Variants in EFCAB5 observed in about 807,000 individuals in gnomAD.
EFCAB5 encodes EF-hand calcium-binding domain-containing protein 5.
EFCAB5 carries 131 observed loss-of-function variants against 167.9 expected under a neutral mutation model. That is an observed-to-expected ratio of 0.78 (90% CI 0.68 to 0.90). The LOEUF is 0.90. Among genes scored for constraint, EFCAB5 ranks in the 40% least tolerant of loss-of-function variants. The pLI, the probability that EFCAB5 is intolerant of heterozygous loss-of-function variation, is 0.00. For synonymous variants in EFCAB5, 574 were observed against 602.8 expected, an observed-to-expected ratio of 0.95 and a Z score of 0.70; for missense variants, 1,663 against 1,745.2, an observed-to-expected ratio of 0.95 and a Z score of 0.84.
intron 4 of EFCAB5, among the ~76,000 whole-genome samples, chr17:29,983,585 T>C (rs1250722824): frequency 6.6e-6 from 1 of 152,138 alleles, no homozygotes; most frequent in Non-Finnish European, 1.5e-5. Context: ...TCCCTTCCAG[T>C]CCCCTTACAC....
At chr17:30,011,676 A>G (rs1395738710) in intron 7 of EFCAB5, among the ~76,000 whole-genome samples, 1 of 152,038 alleles carries the variant, frequency 6.6e-6, no homozygotes, top group Non-Finnish European at 1.5e-5. Context: ...GACTATGCTG[A>G]AGTTGGTTAT....
chr17:29,993,244 A>G lies in EFCAB5; in HGVS notation c.847A>G (p.Asn283Asp). Residue 283 changes from asparagine to aspartate, a missense_variant, in exon 5 of 23, where the codon AAC (asparagine) becomes GAC (aspartate). Physicochemically the swap from Asn to Asp is conservative, Grantham distance 23. Transcript: ENST00000394835. Reference protein sequence around the residue: ...SIDKIIVKVANTRKQALQEQF... With the variant: ...SIDKIIVKVADTRKQALQEQF... ...AGACAAAATCATAGTCAAGGTGGCC[A>G]ACACACGGAAACAGGCTCTGCAGGA... The G allele has an allele frequency of 6.2e-7, 1 of 1,613,968 alleles. No individual in the cohort carries two copies. The highest frequency in any genetic ancestry group is 1.1e-5 in the South Asian group (1 of 91,062).
At position 30,026,961 on chromosome 17, in the gene EFCAB5, C is replaced by CT. The variant is rs71138868; in HGVS notation, c.1045-7226dup. Among the ~76,000 whole-genome samples, 12 of 64,550 alleles carry CT rather than the reference C, an allele frequency of 1.9e-4. 2 individuals are homozygous for CT. The highest frequency in any genetic ancestry group is 6.8e-4 in the Admixed American group (3 of 4,384). The allele number at this position is 64,550 out of a possible 152,430, so 42.3% of individuals were successfully genotyped here. On this transcript the variant is annotated intron_variant, in intron 7 of 22. Coordinates refer to ENST00000394835, the MANE Select transcript of EFCAB5 (RefSeq NM_198529.4). ...ATGATTTCCTTGTACCTCCTTGTAC[C>CT]TTTTTTTTTTTTTTTTTTTTTTTTT...
intron 3 of EFCAB5, among the ~76,000 whole-genome samples, chr17:29,954,602 C>G (rs530207644): frequency 6.6e-6 from 1 of 152,316 alleles, no homozygotes; most frequent in East Asian, 1.9e-4. Context: ...AGGGATGGAG[C>G]CCTCATGGAG....
chr17:30,028,059 A>T (rs966255487), intron 7 of EFCAB5, among the ~76,000 whole-genome samples: 1 of 152,156 alleles, frequency 6.6e-6, no homozygotes, highest in Non-Finnish European at 1.5e-5. Flanking sequence ...ACACGGAGGA[A>T]CTGTTGTATC....
chr17:29,949,552 C>T (rs769145972), intron 3 of EFCAB5, among the ~76,000 whole-genome samples: 1 of 152,130 alleles, frequency 6.6e-6, no homozygotes, highest in Non-Finnish European at 1.5e-5. Context: ...TTAGGATGTC[C>T]AACCAGAGAC....
chr17:30,028,672 A>G (rs929879095), intron 7 of EFCAB5, among the ~76,000 whole-genome samples: 5 of 152,222 alleles, frequency 3.3e-5, no homozygotes, highest in Non-Finnish European at 1.5e-5. Flanking sequence ...TAGTGCTGCC[A>G]TACCAAAGTA....
At chr17:29,977,779 C>T (rs2068090696) in intron 4 of EFCAB5, among the ~76,000 whole-genome samples, 1 of 152,138 alleles carries the variant, frequency 6.6e-6, no homozygotes, top group African/African-American at 2.4e-5. Flanking sequence ...ATATTCAAGC[C>T]TTAAGGATAC....
At chr17:30,060,245 AG>A (rs1284273155) in intron 14 of EFCAB5, among the ~76,000 whole-genome samples, 5 of 151,942 alleles carry the variant, frequency 3.3e-5, no homozygotes, top group African/African-American at 4.8e-5. Flanking sequence ...TTTAAAAAAA[AG>A]GTTAAAAGGA....
At chr17:30,018,773 T>C (rs1398244514) in intron 7 of EFCAB5, among the ~76,000 whole-genome samples, 2 of 152,202 alleles carry the variant, frequency 1.3e-5, no homozygotes, top group African/African-American at 4.8e-5. Context: ...TCTTGTCATA[T>C]TGAATCTGTG....
intron 3 of EFCAB5, among the ~76,000 whole-genome samples, chr17:29,944,622 G>GTTTTTTTTTTTTT (rs1442294530): frequency 2.2e-5 from 3 of 134,142 alleles, no homozygotes; most frequent in African/African-American, 5.4e-5. Context: ...TTTCTGTTTT[G>GTTTTTTTTTTTTT]TTTTGTTTTT....
In EFCAB5 at chr17:29,969,107, T is replaced by C; in HGVS notation, c.507T>C (p.Asn169=). The change falls in exon 4 of 23, where the codon AAT becomes AAC. Residue 169 remains asparagine, a synonymous_variant. Transcript: ENST00000394835. ...EWFNTDSMTL[N]NTAYLLDKLL... The stretch of plus-strand genomic sequence containing the variant: ...TTAATACTGACAGCATGACACTGAA[T>C]AATACTGCATATTTGCTTGACAAAC... The C allele has an allele frequency of 1.9e-6, 3 of 1,613,808 alleles. No homozygotes were observed. The highest frequency in any genetic ancestry group is 2.5e-6 in the Non-Finnish European group (3 of 1,179,806).
intron 4 of EFCAB5, among the ~76,000 whole-genome samples, chr17:29,980,838 A>T (rs1296006903): frequency 6.6e-6 from 1 of 152,202 alleles, no homozygotes; most frequent in African/African-American, 2.4e-5. Flanking sequence ...CTGTACTTGT[A>T]TGTTTCATAA....
intron 8 of EFCAB5, among the ~76,000 whole-genome samples, chr17:30,036,395 T>TTA (rs1263054023): frequency 2.9e-5 from 4 of 136,852 alleles, no homozygotes; most frequent in African/African-American, 1.1e-4. Context: ...TAATATATAA[T>TTA]TATATATATA....
intron 3 of EFCAB5, among the ~76,000 whole-genome samples, chr17:29,964,169 C>T (rs1567681308): frequency 6.6e-6 from 1 of 152,076 alleles, no homozygotes; most frequent in African/African-American, 2.4e-5. Flanking sequence ...AATAAACTAA[C>T]TAACACAAGA....
upstream of EFCAB5, among the ~76,000 whole-genome samples, chr17:29,937,019 G>A (rs2151508460): frequency 6.6e-6 from 1 of 152,280 alleles, no homozygotes; most frequent in East Asian, 1.9e-4. Flanking sequence ...GTCAAGGACT[G>A]TGTTGATTTG....
chr17:29,999,750 G>T (rs1189176907), intron 6 of EFCAB5, among the ~76,000 whole-genome samples, 156 bp from the exon 7 acceptor site: 1 of 151,564 alleles, frequency 6.6e-6, no homozygotes, highest in Non-Finnish European at 1.5e-5. Flanking sequence ...TGTAGTATTT[G>T]GTATGTTACC....
In EFCAB5 at chr17:30,056,067, A is replaced by G. The variant is rs973124300; in HGVS notation, c.2276A>G (p.Glu759Gly). 1.1e-5 allele frequency: 18 copies of G among 1,612,796 alleles called. No individual in the cohort carries two copies. Among genetic ancestry groups the G allele is most frequent in the Non-Finnish European group, 1.4e-5 (17 of 1,179,334 alleles). ...QKIEGKSWSG[E>G]FFTCNWKMKY... ...GTTATGGAATGTGTTTTTACAGGTG[A>G]ATTTTTTACTTGTAACTGGAAAATG... is the stretch of plus-strand genomic sequence containing the variant. Residue 759 changes from glutamate to glycine, a missense_variant, in exon 12 of 23, where the codon GAA (glutamate) becomes GGA (glycine). Transcript: ENST00000394835.
At chr17:30,102,543 C>CTTCTTT (rs1303046795) in intron 22 of EFCAB5, among the ~76,000 whole-genome samples, 2 of 151,920 alleles carry the variant, frequency 1.3e-5, no homozygotes, top group Admixed American at 1.3e-4. Context: ...GCCCTTATGT[C>CTTCTTT]TTCTTTTTCT....
Sources: gnomAD v4.1 joint callset for allele counts (sites outside exome capture counted in the v4.1 genomes callset) on GRCh38, gnomAD v4.1.1 for gene constraint, MANE v1.5 for transcripts, NCBI Gene and HGNC (gene_info 2026-07-23, HGNC 2026-07-21) for gene names.